SEC31B: variants seen among roughly 807,000 people sequenced by gnomAD.
The protein encoded by SEC31B is protein transport protein Sec31B.
A neutral mutation model predicts 135.0 loss-of-function variants in SEC31B; 113 were observed. That is an observed-to-expected ratio of 0.84 (90% confidence interval 0.72 to 0.98). The LOEUF (loss-of-function observed/expected upper bound fraction) is 0.98, where lower values mean the gene tolerates loss of function less well. Among genes scored for constraint, SEC31B ranks in the 50% least tolerant of loss-of-function variants. The probability of loss-of-function intolerance (pLI) is 0.00; values close to 1 mark genes in which losing one functional copy is unlikely to be tolerated. For synonymous variants in SEC31B, 508 were observed against 549.4 expected (o/e 0.92, Z 1.05); for missense variants, 1,296 against 1,421.1 (o/e 0.91, Z 1.42).
chr10:100,510,209 G>C (rs1741899160), intron 3 of SEC31B, among the ~76,000 whole-genome samples: 1 of 152,196 alleles, frequency 6.6e-6, no homozygotes, highest in Admixed American at 6.5e-5. Flanking sequence ...ATTAGAAGCA[G>C]GCTCCCTAGA....
chr10:100,499,414 C>A, intron 12 of SEC31B, 110 bp downstream of exon 12: 1 of 1,107,416 alleles, frequency 9.0e-7, no homozygotes, highest in Non-Finnish European at 1.3e-6. Flanking sequence ...GTAAAATGCT[C>A]ACATATGCAA....
rs369354730 is a variant in SEC31B, at chr10:100,507,498, G to A, written c.709C>T (p.Arg237Ter). Residue 237 changes from arginine to a stop codon, truncating the protein, a stop_gained, in exon 7 of 26, where the codon CGA (arginine) becomes TGA (stop). Coordinates refer to ENST00000370345, the MANE Select transcript of SEC31B (RefSeq NM_015490.4). LOFTEE classifies it high-confidence loss of function. ...TCCCACAGCTGAATCACGGGAAGTC[G>A]ATCATCCTCTGAGCACAGCACTAAC... ...TQLVLCSEDD[R>*]LPVIQLWDLR... 9.9e-6 allele frequency: 16 copies of A among 1,614,086 alleles called. No homozygotes were observed. Among genetic ancestry groups the A allele is most frequent in the Admixed American group, 3.3e-5 (2 of 60,000 alleles).
At chr10:100,500,302 G>A in intron 11 of SEC31B, 1 of 392,550 alleles carries the variant, frequency 2.5e-6, no homozygotes, top group Non-Finnish European at 5.0e-6. Flanking sequence ...GTAGTCTTGT[G>A]AGTCTAAATG....
intron 7 of SEC31B, 93 bp downstream of exon 7, chr10:100,507,331 GT>G (rs1589738400): frequency 2.3e-5 from 35 of 1,492,552 alleles, no homozygotes; most frequent in Non-Finnish European, 3.2e-5. Flanking sequence ...CAGGGAGGAT[GT>G]TTAGTAGCTA....
chr10:100,515,055 G>T lies in SEC31B; in HGVS notation c.203+1041C>A, dbSNP rs944280344. Among the ~76,000 whole-genome samples the T allele has an allele frequency of 2.6e-5, 4 of 151,782 alleles. No homozygotes were observed. In the East Asian group the frequency reaches 7.7e-4, roughly 29 times the overall value. On this transcript the variant is annotated intron_variant, in intron 3 of 25. Transcript: ENST00000370345. ...ACCTATAGTCCCAGCACTTTGGGAG[G>T]CCAAGGGGGCTGATCGCTTGAGCTC... is the stretch of plus-strand genomic sequence containing the variant.
At chr10:100,518,855 AC>A (rs879613071) in intron 1 of SEC31B, among the ~76,000 whole-genome samples, 41 of 152,348 alleles carry the variant, frequency 2.7e-4, no homozygotes, top group Middle Eastern at 3.4e-3. Context: ...TTTCCAAAGC[AC>A]CTTTAAACAC....
intron 17 of SEC31B, 146 bp from the exon 18 acceptor site, chr10:100,496,577 G>C (rs181267537): frequency 3.7e-6 from 3 of 807,830 alleles, no homozygotes; most frequent in Non-Finnish European, 1.9e-6. Flanking sequence ...ATGATGACAC[G>C]TAAGAACTGT....
chr10:100,507,618 A>G, intron 6 of SEC31B, 51 bp from the exon 7 acceptor site: 1 of 1,607,010 alleles, frequency 6.2e-7, no homozygotes, highest in Non-Finnish European at 8.5e-7. Context: ...TCTTTTGCCC[A>G]GTTGAAATGG....
chr10:100,508,679 GC>G (rs1851679628), intron 5 of SEC31B: 6 of 421,320 alleles, frequency 1.4e-5, no homozygotes, highest in Non-Finnish European at 2.7e-5. Context: ...TGGGCCCAAT[GC>G]CCTACCCAAC....
chr10:100,510,231 C>G (rs879613868), intron 3 of SEC31B, among the ~76,000 whole-genome samples: 14 of 152,226 alleles, frequency 9.2e-5, no homozygotes, highest in Admixed American at 9.2e-4. Flanking sequence ...CAACAATTCA[C>G]TCTCAAACTG....
At chr10:100,490,458 C>G (rs772679334) in intron 20 of SEC31B, 136 bp from the exon 21 acceptor site, 31 of 1,040,014 alleles carry the variant, frequency 3.0e-5, no homozygotes, top group Non-Finnish European at 3.6e-5. Context: ...CTATAATTTA[C>G]AAAATACTTT....
chr10:100,508,318 A>G lies in SEC31B; in HGVS notation c.496-267T>C, dbSNP rs1001123153. ...AAGAGGATAGAGTCAAGATTTTAAAAAACAGCCCTCTTGTCTAGGACAAAA... is the reference window on the plus strand; with the variant it reads ...AAGAGGATAGAGTCAAGATTTTAAAGAACAGCCCTCTTGTCTAGGACAAAA... On this transcript the variant is annotated intron_variant, in intron 5 of 25. Coordinates refer to ENST00000370345, the MANE Select transcript of SEC31B (RefSeq NM_015490.4). 1.1e-5 allele frequency: 6 copies of G among 551,904 alleles called. No individual in the cohort carries two copies. The Admixed American group carries it at 1.2e-4, about 11-fold the overall frequency. 34.2% of individuals were successfully genotyped at this position (551,904 alleles called of 1,614,324 possible). A position where few individuals can be genotyped will look rare whatever the true frequency, so the allele number is the denominator to read the frequency against.
chr10:100,488,764 G>C, intron 24 of SEC31B, 94 bp downstream of exon 24: 2 of 1,442,826 alleles, frequency 1.4e-6, no homozygotes, highest in Non-Finnish European at 1.8e-6. Flanking sequence ...GGGGCAGTGA[G>C]AAGAGAGTCA....
intron 12 of SEC31B, 77 bp downstream of exon 12, chr10:100,499,447 T>C: frequency 7.9e-7 from 1 of 1,262,968 alleles, no homozygotes; most frequent in East Asian, 2.3e-5. Flanking sequence ...GAAGAGGTAT[T>C]CTGAGGTGGT....
At chr10:100,508,984 T>C (rs1203540336) in intron 5 of SEC31B, 23 bp downstream of exon 5, 1 of 1,568,184 alleles carries the variant, frequency 6.4e-7, no homozygotes, top group African/African-American at 1.4e-5. Context: ...ACTCCAGGGT[T>C]GGGTAGTGGG....
rs149453686 is a variant in SEC31B, at chr10:100,488,939, C to T, written c.3207G>A (p.Lys1069=). The change falls in exon 24 of 26, where the codon AAG becomes AAA. Residue 1069 remains lysine, a synonymous_variant. Transcript: ENST00000370345. ...AGGACTGATGCTCTGGGGGCAGCTCCTTCCTTTCCATCTTCTCAGGTGGCA... is the reference window on the plus strand; with the variant it reads ...AGGACTGATGCTCTGGGGGCAGCTCTTTCCTTTCCATCTTCTCAGGTGGCA... ...QHLPPEKMER[K]ELPPEHQSLK... 1.9e-6 allele frequency: 3 copies of T among 1,611,150 alleles called. No individual in the cohort carries two copies. The highest frequency in any genetic ancestry group is 1.7e-5 in the Admixed American group (1 of 59,194).
intron 22 of SEC31B, 42 bp downstream of exon 22, chr10:100,489,661 T>TGG: frequency 6.2e-7 from 1 of 1,613,774 alleles, no homozygotes; most frequent in South Asian, 1.1e-5. Context: ...ACGTGGTCAT[T>TGG]GGTGAATGTG....
At chr10:100,496,730 A>ACTCTG (rs1454868314) in intron 17 of SEC31B, among the ~76,000 whole-genome samples, 9 of 151,772 alleles carry the variant, frequency 5.9e-5, no homozygotes, top group African/African-American at 2.2e-4. Context: ...CCAACCACAG[A>ACTCTG]CTCTGTCAGA....
Position 100,502,391 on chromosome 10 carries a change from T to C in SEC31B, c.1273A>G (p.Thr425Ala), listed in dbSNP as rs763221677. ...CPRLVFISQV[T>A]TESEFLMRSA... Reference sequence around the variant, plus strand: ...CGCATCAGGAATTCAGATTCTGTGGTGACTTGACTGATGAAGACTAGGCGG... The same window carrying C: ...CGCATCAGGAATTCAGATTCTGTGGCGACTTGACTGATGAAGACTAGGCGG... The change falls in exon 11 of 26, where the codon ACC becomes GCC. Residue 425 changes from threonine to alanine, a missense_variant. Physicochemically the swap from Thr to Ala is moderately conservative, Grantham distance 58. Coordinates refer to ENST00000370345, the MANE Select transcript of SEC31B (RefSeq NM_015490.4). The C allele has an allele frequency of 1.6e-5, 26 of 1,614,098 alleles. No individual in the cohort carries two copies. Among genetic ancestry groups the C allele is most frequent in the Non-Finnish European group, 2.1e-5 (25 of 1,180,058 alleles).
Sources: allele counts gnomAD v4.1 joint callset (sites outside exome capture counted in the v4.1 genomes callset), GRCh38; gene constraint gnomAD v4.1.1; transcripts MANE v1.5; gene names NCBI Gene and HGNC (gene_info 2026-07-23, HGNC 2026-07-21).